Variants in SLC2A2 observed in about 807,000 individuals in gnomAD.
The protein encoded by SLC2A2 is solute carrier family 2, facilitated glucose transporter member 2.
In SLC2A2, 36 loss-of-function variants were observed where a neutral mutation model predicts 54.5. The observed-to-expected ratio is 0.66, with a 90% confidence interval of 0.51 to 0.87. SLC2A2 has a LOEUF of 0.87. Among genes scored for constraint, SLC2A2 ranks in the 40% least tolerant of loss-of-function variants. The pLI, the probability that SLC2A2 is intolerant of heterozygous loss-of-function variation, is 0.00. For synonymous variants in SLC2A2, 223 were observed against 219.1 expected (o/e 1.02, Z -0.16); for missense variants, 543 against 624.3 (o/e 0.87, Z 1.39).
rs1463507753 is a variant in SLC2A2 at position 171,018,592 on chromosome 3, G to GTGA, written c.44_46dup (p.Ile15dup). ...AAACTGGAAGGAACCCAGCACAGCA[G>GTGA]TGATGACAGTGAAAACCAGGGTCCC... On this transcript the variant is annotated inframe_insertion, in exon 2 of 11. Transcript: ENST00000314251. 6.2e-6 allele frequency: 10 copies of GTGA among 1,614,014 alleles called. No homozygotes were observed. Among genetic ancestry groups the GTGA allele is most frequent in the Non-Finnish European group, 7.6e-6 (9 of 1,179,862 alleles).
chr3:170,997,908 C>CA lies in SLC2A2; in HGVS notation c.1569dup (p.Val524CysfsTer11). ...CAAAAAGCAGGGTTTTTTTTTTACA[C>CA]AGTCTCTGTAGCTCCTAGGAATTTC... On this transcript the variant is annotated frameshift_variant, in exon 11 of 11. Transcript: ENST00000314251. LOFTEE classifies it high-confidence loss of function. 6.2e-7 allele frequency: 1 copy of CA among 1,610,148 alleles called. No homozygotes were observed. The highest frequency in any genetic ancestry group is 1.1e-5 in the South Asian group (1 of 90,566).
At chr3:171,015,124 A>G (rs1716083292) in intron 2 of SLC2A2, among the ~76,000 whole-genome samples, 1 of 152,210 alleles carries the variant, frequency 6.6e-6, no homozygotes, top group Admixed American at 6.5e-5. Flanking sequence ...CTGAGTTTTT[A>G]TGTAAATTTT....
At chr3:171,013,475 T>C (rs1715982320) in intron 3 of SLC2A2, among the ~76,000 whole-genome samples, 1 of 152,056 alleles carries the variant, frequency 6.6e-6, no homozygotes, top group African/African-American at 2.4e-5. Context: ...ACCATGATAT[T>C]GTAGTTAAGA....
At chr3:171,006,264 A>C (rs1715600464) in intron 5 of SLC2A2, among the ~76,000 whole-genome samples, 159 bp from the exon 6 acceptor site, 1 of 150,974 alleles carries the variant, frequency 6.6e-6, no homozygotes, top group African/African-American at 2.5e-5. Flanking sequence ...CACTTTAACT[A>C]AATTAGGAAC....
chr3:171,020,396 G>A (rs1316751314), intron 1 of SLC2A2, among the ~76,000 whole-genome samples: 1 of 152,026 alleles, frequency 6.6e-6, no homozygotes, highest in Non-Finnish European at 1.5e-5. Flanking sequence ...TGGGGATAGG[G>A]AATCTGTAGG....
Position 171,002,468 on chromosome 3 carries a change from C to T in SLC2A2, c.1068+108G>A, listed in dbSNP as rs1576826519. ...CTCACTTGGGTTTACACACTTAGAG[C>T]ATGTGTACAATAAGTCATTGATTGC... On this transcript the variant is annotated intron_variant, in intron 8 of 10. Transcript: ENST00000314251. 11 of 740,124 alleles carry T rather than the reference C, an allele frequency of 1.5e-5. No individual in the cohort carries two copies. The East Asian group carries it at 3.0e-4, about 20-fold the overall frequency. The allele number at this position is 740,124 out of a possible 1,614,324, so 45.8% of individuals were successfully genotyped here. A position where few individuals can be genotyped will look rare whatever the true frequency, so the allele number is the denominator to read the frequency against.
At chr3:171,021,720 A>T (rs953186321) in intron 1 of SLC2A2, among the ~76,000 whole-genome samples, 3 of 152,136 alleles carry the variant, frequency 2.0e-5, no homozygotes, top group African/African-American at 7.2e-5. Context: ...GTTGGAGAAA[A>T]TTTGGGTTGA....
At chr3:171,022,280 G>A (rs1312834790) in intron 1 of SLC2A2, among the ~76,000 whole-genome samples, 1 of 152,186 alleles carries the variant, frequency 6.6e-6, no homozygotes, top group Non-Finnish European at 1.5e-5. Flanking sequence ...ACATTCAAAA[G>A]CGAAGCACAT....
chr3:171,005,902 C>G (rs371832937), intron 6 of SLC2A2, 41 bp downstream of exon 6: 1 of 1,585,818 alleles, frequency 6.3e-7, no homozygotes, highest in African/African-American at 1.3e-5. Context: ...GCTGATAATG[C>G]CAAAACAATA....
At position 170,997,966 on chromosome 3, in the gene SLC2A2, G is replaced by C. The variant is rs1317566676; in HGVS notation, c.1512C>G (p.Gly504=). The C allele has an allele frequency of 6.2e-7, 1 of 1,613,460 alleles. No individual in the cohort carries two copies. Among genetic ancestry groups the C allele is most frequent in the African/African-American group, 1.3e-5 (1 of 74,820 alleles). The change falls in exon 11 of 11, where the codon GGC becomes GGG. Residue 504 remains glycine (G), a synonymous_variant. Coordinates refer to ENST00000314251, the MANE Select transcript of SLC2A2 (RefSeq NM_000340.2). ...CAGCAGCTTTTGGCCTGTGGGCTGA[G>C]CCACTCTTCTTTTGGAATTCTGCAG... The part of the protein sequence containing the change: ...EIAAEFQKKS[G]SAHRPKAAVE...
rs770662710 is a variant in SLC2A2 at position 171,009,909 on chromosome 3, G to A, written c.496+49C>T. The A allele has an allele frequency of 1.3e-5, 20 of 1,504,628 alleles. 1 individual carries two copies. In the South Asian group the frequency reaches 2.2e-4, roughly 17 times the overall value. The allele number at this position is 1,504,628 out of a possible 1,614,324, so 93.2% of individuals were successfully genotyped here. On this transcript the variant is annotated intron_variant, in intron 4 of 10. Coordinates refer to ENST00000314251, the MANE Select transcript of SLC2A2 (RefSeq NM_000340.2). ...CCTTTAGAGTTACTTTCAGACAAAG[G>A]TAGGTGTGTGTGTGTGTGTGTGTGT... is the stretch of plus-strand genomic sequence containing the variant.
chr3:171,018,599 C>G lies in SLC2A2; in HGVS notation c.40G>C (p.Val14Leu), dbSNP rs372441014. The change falls in exon 2 of 11, where the codon GTC becomes CTC. Residue 14 changes from valine to leucine, a missense_variant. Transcript: ENST00000314251. ...DKVTGTLVFT[V>L]ITAVLGSFQF... ...AAGGAACCCAGCACAGCAGTGATGA[C>G]AGTGAAAACCAGGGTCCCAGTGACC... The G allele has an allele frequency of 7.4e-6, 12 of 1,613,958 alleles. No homozygotes were observed. The African/African-American group carries it at 1.6e-4, about 22-fold the overall frequency.
chr3:170,999,731 T>C (rs186816282), intron 8 of SLC2A2, among the ~76,000 whole-genome samples: 1 of 152,226 alleles, frequency 6.6e-6, no homozygotes, highest in East Asian at 1.9e-4. Flanking sequence ...AATTTGATAA[T>C]TGAACCAAAA....
chr3:170,998,276 G>A lies in SLC2A2; in HGVS notation c.1291C>T (p.Pro431Ser). 6.2e-7 allele frequency: 1 copy of A among 1,613,822 alleles called. No individual in the cohort carries two copies. Among genetic ancestry groups the A allele is most frequent in the East Asian group, 2.2e-5 (1 of 44,874 alleles). Residue 431 changes from proline (P) to serine (S), a missense_variant, in exon 10 of 11, where the codon CCA becomes TCA. Physicochemically the swap from Pro to Ser is moderately conservative, Grantham distance 74 (BLOSUM62 -1). Around this residue, in one of 3 missense-constraint regions of SLC2A2, gnomAD observed 117 missense variants for 179.2 expected, o/e 0.65. Transcript: ENST00000314251. The stretch of plus-strand genomic sequence containing the variant: ...GCTATTGCTAAAGCAGCAGGACGTG[G>A]TCCTTGACTGAAAAACTCAGCCACC... ...FMVAEFFSQG[P>S]RPAALAIAAF...
chr3:171,002,376 G>A (rs1431565900), intron 8 of SLC2A2, among the ~76,000 whole-genome samples, 200 bp downstream of exon 8: 2 of 151,968 alleles, frequency 1.3e-5, no homozygotes, highest in African/African-American at 4.8e-5. Context: ...GAGAATCAGC[G>A]ATTCACCTCA....
chr3:171,019,057 ATGTGTG>A (rs762355106), intron 1 of SLC2A2, among the ~76,000 whole-genome samples: 5 of 137,824 alleles, frequency 3.6e-5, no homozygotes, highest in East Asian at 2.1e-4. Context: ...ATTTGTTGAT[ATGTGTG>A]TGTGTGTGTG....
rs571940963 is a variant in SLC2A2 at position 170,998,481 on chromosome 3, C to T, written c.1171-85G>A. ...GCTAAGTAGCCTCTGAGTTCACAGG[C>T]GGCATACAACTTTTTCTAATGTATT... On this transcript the variant is annotated intron_variant, in intron 9 of 10. Coordinates refer to ENST00000314251, the MANE Select transcript of SLC2A2 (RefSeq NM_000340.2). 721 of 997,702 alleles carry T rather than the reference C, an allele frequency of 7.2e-4. 1 individual carries two copies. The highest frequency in any genetic ancestry group is 1.9e-3 in the Middle Eastern group (9 of 4,810). 61.8% of individuals were successfully genotyped at this position (997,702 alleles called of 1,614,324 possible).
chr3:171,014,972 G>A (rs1477494887), intron 2 of SLC2A2, among the ~76,000 whole-genome samples: 1 of 152,156 alleles, frequency 6.6e-6, no homozygotes, highest in East Asian at 1.9e-4. Context: ...ATACTTTGAT[G>A]ACTAGGGGAC....
In SLC2A2 at chr3:170,998,186, T is replaced by C. The variant is rs781482707; in HGVS notation, c.1374+7A>G. On this transcript the variant is annotated splice_region_variant and intron_variant, in intron 10 of 10. Coordinates refer to ENST00000314251, the MANE Select transcript of SLC2A2 (RefSeq NM_000340.2). The stretch of plus-strand genomic sequence containing the variant: ...TCAGTAAATCTGTGGAATATTAGGC[T>C]GCTTACCGCAATGTACTGGAAACAC... 8.1e-6 allele frequency: 13 copies of C among 1,613,740 alleles called. No individual in the cohort carries two copies. Among genetic ancestry groups the C allele is most frequent in the East Asian group, 4.5e-5 (2 of 44,872 alleles).
Sources: allele counts gnomAD v4.1 joint callset (sites outside exome capture counted in the v4.1 genomes callset), GRCh38; gene constraint gnomAD v4.1.1; regional missense constraint gnomAD v4.1.1; transcripts MANE v1.5; gene names NCBI Gene and HGNC (gene_info 2026-07-23, HGNC 2026-07-21).